FBXL2: variants seen among roughly 807,000 people sequenced by gnomAD.
FBXL2 encodes the protein F-box/LRR-repeat protein 2.
FBXL2 carries 38 observed loss-of-function variants against 69.2 expected under a neutral mutation model. The observed-to-expected ratio is 0.55, with a 90% CI of 0.42 to 0.72. The LOEUF is 0.72. FBXL2 is among the 30% of genes least tolerant of loss of function. FBXL2 has a pLI of 0.00. For synonymous variants in FBXL2, 192 were observed against 201.3 expected, an observed-to-expected ratio of 0.95 and a Z score of 0.39; for missense variants, 354 against 520.3, an observed-to-expected ratio of 0.68 and a Z score of 3.11.
At chr3:33,320,646 A>C (rs1185932637) in intron 2 of FBXL2, among the ~76,000 whole-genome samples, 1 of 151,850 alleles carries the variant, frequency 6.6e-6, no homozygotes, top group Non-Finnish European at 1.5e-5. Flanking sequence ...ATGCCTGACT[A>C]ATTTTTGTAT....
In FBXL2 at chr3:33,351,238, C is replaced by G. The variant is rs543487413; in HGVS notation, c.66-7729C>G. Among the ~76,000 whole-genome samples, 13 of 152,182 alleles carry G rather than the reference C, an allele frequency of 8.5e-5. No homozygotes were observed. In the East Asian group the frequency reaches 2.5e-3, roughly 29 times the overall value. The stretch of plus-strand genomic sequence containing the variant: ...CAAGATTGCGCCACTGCACTCCAGC[C>G]TGGGTAACAGAGCAAGATTCTGTCT... On this transcript the variant is annotated intron_variant, in intron 2 of 14. Coordinates refer to ENST00000484457, the MANE Select transcript of FBXL2 (RefSeq NM_012157.5).
chr3:33,288,920 G>A (rs2034937428), intron 1 of FBXL2, among the ~76,000 whole-genome samples: 1 of 152,116 alleles, frequency 6.6e-6, no homozygotes, highest in African/African-American at 2.4e-5. Flanking sequence ...CATTTTTGTT[G>A]CAGTAATCCA....
chr3:33,314,279 T>C (rs2037471036), intron 2 of FBXL2, among the ~76,000 whole-genome samples: 1 of 152,164 alleles, frequency 6.6e-6, no homozygotes, highest in Non-Finnish European at 1.5e-5. Flanking sequence ...TCAGAACTAA[T>C]CTTATAACTG....
intron 2 of FBXL2, among the ~76,000 whole-genome samples, chr3:33,331,327 G>C (rs1219852537): frequency 6.6e-6 from 1 of 152,052 alleles, no homozygotes; most frequent in Non-Finnish European, 1.5e-5. Flanking sequence ...TCCAGTTACA[G>C]GTATCCTAAG....
intron 5 of FBXL2, among the ~76,000 whole-genome samples, chr3:33,371,483 TA>T (rs1210961132): frequency 6.6e-6 from 1 of 152,156 alleles, no homozygotes; most frequent in Non-Finnish European, 1.5e-5. Context: ...TTTTCATATC[TA>T]AAAGTTTAAC....
At chr3:33,317,784 T>A (rs984218666) in intron 2 of FBXL2, among the ~76,000 whole-genome samples, 7 of 152,188 alleles carry the variant, frequency 4.6e-5, no homozygotes, top group Admixed American at 3.9e-4. Context: ...TACTGGGGAC[T>A]GTACATGTTG....
chr3:33,373,801 C>A, intron 8 of FBXL2, 46 bp from the exon 9 acceptor site: 1 of 1,613,186 alleles, frequency 6.2e-7, no homozygotes, highest in South Asian at 1.1e-5. Flanking sequence ...TCCCACTGTT[C>A]CCTCACCTGG....
chr3:33,311,574 C>T (rs1039310433), intron 2 of FBXL2, among the ~76,000 whole-genome samples: 1 of 151,830 alleles, frequency 6.6e-6, no homozygotes, highest in Non-Finnish European at 1.5e-5. Flanking sequence ...TGCTGAAGCT[C>T]TCTGTAGAAT....
chr3:33,306,347 C>T (rs971699018), intron 2 of FBXL2, among the ~76,000 whole-genome samples: 1 of 152,076 alleles, frequency 6.6e-6, no homozygotes, highest in African/African-American at 2.4e-5. Flanking sequence ...CCACGTAAGT[C>T]AATAAACTTT....
rs143473503 is a variant in FBXL2, at chr3:33,305,505, C to T, written c.65+7780C>T. The stretch of plus-strand genomic sequence containing the variant: ...ATCTGTATTTTTGAGTGACCAGGGC[C>T]CACAAATTTATTTCTCATACTATCT... On this transcript the variant is annotated intron_variant, in intron 2 of 14. Transcript: ENST00000484457. 8.4e-4 allele frequency among the ~76,000 whole-genome samples: 127 copies of T among 151,688 alleles called. 1 individual carries two copies. The highest frequency in any genetic ancestry group is 2.9e-3 in the African/African-American group (122 of 41,474).
chr3:33,341,547 G>GGGCC (rs1332019384), intron 2 of FBXL2, among the ~76,000 whole-genome samples: 1 of 151,628 alleles, frequency 6.6e-6, no homozygotes. Flanking sequence ...GGGACATGTG[G>GGGCC]GGCCCAGCAT....
chr3:33,312,097 C>A (rs1454546903), intron 2 of FBXL2, among the ~76,000 whole-genome samples: 1 of 152,072 alleles, frequency 6.6e-6, no homozygotes, highest in East Asian at 1.9e-4. Flanking sequence ...CACTTTGTCA[C>A]CCAGACTGGA....
At chr3:33,391,964 CA>C (rs1435740286), downstream of FBXL2, 1 of 153,052 alleles carries the variant, frequency 6.5e-6, no homozygotes, top group Non-Finnish European at 1.5e-5. Context: ...ATGGCACCTA[CA>C]TGGCCCACTG....
intron 2 of FBXL2, among the ~76,000 whole-genome samples, chr3:33,355,837 T>C (rs1263717420): frequency 6.6e-6 from 1 of 152,200 alleles, no homozygotes; most frequent in Non-Finnish European, 1.5e-5. Context: ...TCCGTTTCTA[T>C]TGACAGTATC....
At chr3:33,373,790 G>A in intron 8 of FBXL2, 57 bp from the exon 9 acceptor site, 1 of 1,613,744 alleles carries the variant, frequency 6.2e-7, no homozygotes, top group South Asian at 1.1e-5. Context: ...TTTTCTTGGT[G>A]TCCCACTGTT....
intron 2 of FBXL2, among the ~76,000 whole-genome samples, chr3:33,331,115 G>A (rs186030716): frequency 6.6e-6 from 1 of 151,784 alleles, no homozygotes; most frequent in African/African-American, 2.4e-5. Flanking sequence ...GGAAGTACAG[G>A]GTAGTTGATA....
At chr3:33,332,695 G>A (rs1377779262) in intron 2 of FBXL2, among the ~76,000 whole-genome samples, 1 of 152,132 alleles carries the variant, frequency 6.6e-6, no homozygotes, top group Non-Finnish European at 1.5e-5. Context: ...TAGGCTATAT[G>A]GTAGCCTATT....
At chr3:33,417,118 G>C in the FBXL2 span, among the ~76,000 whole-genome samples, 1 of 152,080 alleles carries the variant, frequency 6.6e-6, no homozygotes, top group Non-Finnish European at 1.5e-5. Flanking sequence ...ACTAATTTTT[G>C]TAACAGCTTT....
chr3:33,366,913 AAGCAAC>A (rs1229461009), intron 5 of FBXL2, among the ~76,000 whole-genome samples: 2 of 152,156 alleles, frequency 1.3e-5, no homozygotes, highest in African/African-American at 4.8e-5. Context: ...GGCAGTGAGC[AAGCAAC>A]AGAACGAGAC....
Sources: allele counts gnomAD v4.1 joint callset (sites outside exome capture counted in the v4.1 genomes callset), GRCh38; gene constraint gnomAD v4.1.1; transcripts MANE v1.5; gene names NCBI Gene and HGNC (gene_info 2026-07-23, HGNC 2026-07-21).